The following ARB2A variants were observed in gnomAD, a reference collection of about 807,000 sequenced individuals.
ARB2A encodes ARB2 cotranscriptional regulator A, also known as cotranscriptional regulator ARB2A.
the ARB2A span, among the ~76,000 whole-genome samples, chr5:93,771,131 A>C: frequency 2.6e-5 from 4 of 152,200 alleles, no homozygotes; most frequent in Non-Finnish European, 1.5e-5. Flanking sequence ...AACAGAACAG[A>C]GCCCTCAGAA....
chr5:93,645,325 G>C, the ARB2A span, among the ~76,000 whole-genome samples: 9 of 152,156 alleles, frequency 5.9e-5, no homozygotes, highest in Admixed American at 5.9e-4. Context: ...TGTAATCCCA[G>C]CACTTTGGGA....
At chr5:93,971,997 C>T in the ARB2A span, among the ~76,000 whole-genome samples, 8 of 152,252 alleles carry the variant, frequency 5.3e-5, no homozygotes, top group South Asian at 4.1e-4. Context: ...TGGACAAGGA[C>T]GAGGGGAGTA....
chr5:93,639,472 G>T, the ARB2A span, among the ~76,000 whole-genome samples: 1 of 149,206 alleles, frequency 6.7e-6, no homozygotes, highest in African/African-American at 2.5e-5. Context: ...ATCCCACAAT[G>T]CAACTGCCTT....
At chr5:94,066,942 T>C in the ARB2A span, among the ~76,000 whole-genome samples, 19 of 152,130 alleles carry the variant, frequency 1.2e-4, no homozygotes, top group African/African-American at 3.9e-4. Flanking sequence ...AATTACTCAA[T>C]AAAATAACAA....
At chr5:93,958,871 C>G in the ARB2A span, 1 of 1,609,622 alleles carries the variant, frequency 6.2e-7, no homozygotes, top group Non-Finnish European at 8.5e-7. Flanking sequence ...CCTGACAACA[C>G]CACTACCATG....
chr5:93,786,790 A>T, the ARB2A span, among the ~76,000 whole-genome samples: 3 of 152,132 alleles, frequency 2.0e-5, no homozygotes, highest in African/African-American at 7.2e-5. Context: ...TCCACTGTGA[A>T]TGAGTACTGA....
At chr5:93,716,693 C>CAAAAAAAAAAAAAA in the ARB2A span, among the ~76,000 whole-genome samples, 1 of 36,680 alleles carries the variant, frequency 2.7e-5, no homozygotes, top group African/African-American at 7.9e-5. Context: ...ATAAGCTGTG[C>CAAAAAAAAAAAAAA]AAAAAAAAAA....
At chr5:94,001,990 AC>A in the ARB2A span, among the ~76,000 whole-genome samples, 1 of 151,916 alleles carries the variant, frequency 6.6e-6, no homozygotes, top group East Asian at 1.9e-4. Flanking sequence ...TTTTTACTGT[AC>A]TTATACCTCT....
chr5:93,826,912 A>C, the ARB2A span, among the ~76,000 whole-genome samples: 3 of 151,944 alleles, frequency 2.0e-5, no homozygotes, highest in South Asian at 6.2e-4. Flanking sequence ...ATGTCCCTAC[A>C]AAGGACATGA....
chr5:94,041,856 T>C, the ARB2A span, among the ~76,000 whole-genome samples: 2 of 152,146 alleles, frequency 1.3e-5, no homozygotes, highest in East Asian at 3.9e-4. Flanking sequence ...AGCCCCTATC[T>C]GCACTTTGCC....
At chr5:93,887,950 G>C in the ARB2A span, among the ~76,000 whole-genome samples, 1 of 151,868 alleles carries the variant, frequency 6.6e-6, no homozygotes, top group Non-Finnish European at 1.5e-5. Context: ...AGGTGAAATT[G>C]TATCTTCCCT....
the ARB2A span, among the ~76,000 whole-genome samples, chr5:93,686,564 TTTCTTCC>T: frequency 6.6e-6 from 1 of 152,224 alleles, no homozygotes; most frequent in East Asian, 1.9e-4. Flanking sequence ...TATCCTTTCC[TTTCTTCC>T]TATTAGCCCT....
At chr5:93,733,693 T>C in the ARB2A span, 9 of 152,208 alleles carry the variant, frequency 5.9e-5, no homozygotes, top group African/African-American at 1.9e-4. Flanking sequence ...TGTTAAATAA[T>C]TGGCCACCTA....
At chr5:93,641,041 A>T in the ARB2A span, among the ~76,000 whole-genome samples, 1 of 151,902 alleles carries the variant, frequency 6.6e-6, no homozygotes, top group Non-Finnish European at 1.5e-5. Flanking sequence ...CTCTACTAAA[A>T]ATACAAAAAT....
the ARB2A span, among the ~76,000 whole-genome samples, chr5:93,827,352 A>G: frequency 2.0e-5 from 3 of 152,148 alleles, no homozygotes; most frequent in South Asian, 2.1e-4. Context: ...GCCAGTGATG[A>G]TGAGCATTTT....
the ARB2A span, chr5:94,074,760 A>G: frequency 6.2e-7 from 1 of 1,600,620 alleles, no homozygotes; most frequent in Non-Finnish European, 8.5e-7. Context: ...ATCAATCTTC[A>G]GAAGACAGTC....
chr5:93,702,878 A>AT, the ARB2A span, among the ~76,000 whole-genome samples: 7 of 152,178 alleles, frequency 4.6e-5, no homozygotes, highest in Non-Finnish European at 7.4e-5. Flanking sequence ...CTTCACCTGG[A>AT]TTTTTTCTCC....
At chr5:93,937,012 C>A in the ARB2A span, among the ~76,000 whole-genome samples, 1 of 145,936 alleles carries the variant, frequency 6.9e-6, no homozygotes, top group East Asian at 2.0e-4. Context: ...GCGATCTTGG[C>A]TCACTGCAAG....
the ARB2A span, among the ~76,000 whole-genome samples, chr5:93,714,748 A>C: frequency 6.6e-6 from 1 of 152,168 alleles, no homozygotes; most frequent in Non-Finnish European, 1.5e-5. Flanking sequence ...ATGGCTCCAC[A>C]TAGTCTCCTG....
Sources: allele counts gnomAD v4.1 joint callset (sites outside exome capture counted in the v4.1 genomes callset), GRCh38; gene constraint gnomAD v4.1.1; transcripts MANE v1.5; gene names NCBI Gene and HGNC (gene_info 2026-07-23, HGNC 2026-07-21).